Variants in WDR7 observed in about 807,000 individuals in gnomAD.
The protein encoded by WDR7 is WD repeat-containing protein 7.
A neutral mutation model predicts 169.4 loss-of-function variants in WDR7; 46 were observed. That is an observed-to-expected ratio of 0.27 (90% CI 0.21 to 0.35). The LOEUF (loss-of-function observed/expected upper bound fraction) is 0.35, where lower values mean the gene tolerates loss of function less well. Among genes scored for constraint, WDR7 ranks in the 10% least tolerant of loss-of-function variants. The pLI is 1.00. For missense variants in WDR7, 1,534 were observed against 1,859.3 expected, an observed-to-expected ratio of 0.83 and a Z score of 3.22; for synonymous variants, 612 against 666.8, an observed-to-expected ratio of 0.92 and a Z score of 1.27.
chr18:56,909,493 G>C (rs2088707065), intron 21 of WDR7, among the ~76,000 whole-genome samples: 2 of 152,070 alleles, frequency 1.3e-5, no homozygotes, highest in African/African-American at 4.8e-5. Flanking sequence ...AATAATTATA[G>C]CAAGTTAAAC....
rs180744905 is a variant in WDR7 at position 56,843,613 on chromosome 18, C to T, written c.3304+27469C>T. ...CACTTGGGTTTCTTCTATCTTTTGG[C>T]GACTGTGAATAATGCTGCTATGAAT... is the stretch of plus-strand genomic sequence containing the variant. On this transcript the variant is annotated intron_variant, in intron 20 of 27. Transcript: ENST00000254442. Among the ~76,000 whole-genome samples, 14 of 152,176 alleles carry T rather than the reference C, an allele frequency of 9.2e-5. No homozygotes were observed. In the South Asian group the frequency reaches 1.0e-3, roughly 11 times the overall value.
Position 56,893,865 on chromosome 18 carries a change from C to T in WDR7, c.3526+13700C>T, listed in dbSNP as rs140753692. ...GGTGTTTGACATCACATTGTATCTGCAAAAATAGGGGTAGATTCCTAAAAA... is the reference window on the plus strand; with the variant it reads ...GGTGTTTGACATCACATTGTATCTGTAAAAATAGGGGTAGATTCCTAAAAA... On this transcript the variant is annotated intron_variant, in intron 21 of 27. Coordinates refer to ENST00000254442, the MANE Select transcript of WDR7 (RefSeq NM_015285.3). Among the ~76,000 whole-genome samples, 361 of 152,018 alleles carry T rather than the reference C, an allele frequency of 2.4e-3. 2 individuals are homozygous for T. Among genetic ancestry groups the T allele is most frequent in the African/African-American group, 8.2e-3 (339 of 41,492 alleles).
At chr18:56,938,118 G>C (rs1433920610) in intron 23 of WDR7, among the ~76,000 whole-genome samples, 1 of 152,154 alleles carries the variant, frequency 6.6e-6, no homozygotes, top group Non-Finnish European at 1.5e-5. Context: ...AAGAAAATCT[G>C]AGTATAAGTC....
intron 27 of WDR7, among the ~76,000 whole-genome samples, chr18:57,021,068 C>T (rs1369231017): frequency 6.6e-6 from 1 of 152,214 alleles, no homozygotes; most frequent in African/African-American, 2.4e-5. Flanking sequence ...CATCTGCTCT[C>T]ATGGAGCTTG....
chr18:56,725,660 T>G (rs1468555063), intron 13 of WDR7, among the ~76,000 whole-genome samples: 2 of 152,222 alleles, frequency 1.3e-5, no homozygotes, highest in Non-Finnish European at 2.9e-5. Context: ...TTAGTTTAAT[T>G]AGATCGCATT....
Position 56,924,067 on chromosome 18 carries a change from GC to G in WDR7, c.3673del (p.Leu1225PhefsTer21). ...YMDVSAVLMG[L>X]LELCADAEKQ... ...TGGATGTGTCCGCTGTTCTGATGGG[GC>G]TTCTCGAACTTTGTGCCGATGCCGA... On this transcript the variant is annotated frameshift_variant, in exon 22 of 28. Transcript: ENST00000254442. LOFTEE classifies it high-confidence loss of function. 1 of 1,613,030 alleles carries G rather than the reference GC, an allele frequency of 6.2e-7. No homozygotes were observed. The highest frequency in any genetic ancestry group is 8.5e-7 in the Non-Finnish European group (1 of 1,179,716).
intron 14 of WDR7, among the ~76,000 whole-genome samples, chr18:56,744,416 G>A (rs2088315110): frequency 6.6e-6 from 1 of 152,124 alleles, no homozygotes; most frequent in African/African-American, 2.4e-5. Flanking sequence ...GTGATCCTGA[G>A]TAGGGGACCT....
chr18:56,959,512 CTGT>C (rs939298183), intron 25 of WDR7, among the ~76,000 whole-genome samples: 3 of 152,140 alleles, frequency 2.0e-5, no homozygotes, highest in African/African-American at 7.2e-5. Flanking sequence ...CAGAGGAGAA[CTGT>C]TGTTCAAACA....
intron 20 of WDR7, among the ~76,000 whole-genome samples, chr18:56,860,812 T>G (rs1036430195): frequency 3.3e-5 from 5 of 152,130 alleles, no homozygotes; most frequent in Non-Finnish European, 7.4e-5. Context: ...CTGATTTAGC[T>G]CAATTTTATA....
intron 19 of WDR7, among the ~76,000 whole-genome samples, chr18:56,786,816 C>A (rs1453779948): frequency 6.6e-6 from 1 of 151,706 alleles, no homozygotes; most frequent in Admixed American, 6.6e-5. Flanking sequence ...TCTGAGCCCT[C>A]AGTCTTTAGC....
chr18:56,854,684 G>T (rs545459494), intron 20 of WDR7, among the ~76,000 whole-genome samples: 5 of 152,234 alleles, frequency 3.3e-5, no homozygotes, highest in African/African-American at 1.2e-4. Flanking sequence ...TTCCTCCCAG[G>T]TATAGGGTAG....
intron 21 of WDR7, among the ~76,000 whole-genome samples, chr18:56,912,477 A>C (rs1454928932): frequency 1.3e-5 from 2 of 152,180 alleles, no homozygotes; most frequent in Admixed American, 1.3e-4. Context: ...TGTACATTCT[A>C]TACTAAATAC....
At chr18:56,868,670 G>C (rs1474038814) in intron 20 of WDR7, among the ~76,000 whole-genome samples, 1 of 152,062 alleles carries the variant, frequency 6.6e-6, no homozygotes, top group Non-Finnish European at 1.5e-5. Flanking sequence ...AGAATGATAT[G>C]CTGTGTTTTC....
chr18:56,986,002 A>G (rs1011079460), intron 26 of WDR7, among the ~76,000 whole-genome samples: 2 of 152,168 alleles, frequency 1.3e-5, no homozygotes, highest in African/African-American at 4.8e-5. Context: ...AAATTAGGTT[A>G]ATATAATTGG....
intron 20 of WDR7, among the ~76,000 whole-genome samples, chr18:56,833,469 A>G (rs1000947789): frequency 6.6e-6 from 1 of 152,180 alleles, no homozygotes; most frequent in Non-Finnish European, 1.5e-5. Context: ...TTAAAGTATA[A>G]TAAAAAAAAT....
intron 15 of WDR7, 148 bp downstream of exon 15, chr18:56,757,500 C>A: frequency 2.6e-6 from 2 of 771,450 alleles, no homozygotes; most frequent in Non-Finnish European, 3.8e-6. Flanking sequence ...TTTTAAAACA[C>A]CAGTTTCAAA....
At chr18:56,877,517 C>T (rs1414491579) in intron 20 of WDR7, among the ~76,000 whole-genome samples, 1 of 151,996 alleles carries the variant, frequency 6.6e-6, no homozygotes, top group Non-Finnish European at 1.5e-5. Context: ...TTCTGAGGCT[C>T]GTATTATGTT....
At chr18:56,823,423 A>C (rs1021157243) in intron 20 of WDR7, among the ~76,000 whole-genome samples, 1 of 152,160 alleles carries the variant, frequency 6.6e-6, no homozygotes, top group African/African-American at 2.4e-5. Flanking sequence ...CTACTAAAAA[A>C]TACAAAAATT....
chr18:56,734,467 G>A (rs535472014), intron 14 of WDR7, among the ~76,000 whole-genome samples: 8 of 147,868 alleles, frequency 5.4e-5, no homozygotes, highest in Non-Finnish European at 8.9e-5. Context: ...GTCTTTAGAC[G>A]TTGTCAAATT....
Sources: allele counts gnomAD v4.1 joint callset (sites outside exome capture counted in the v4.1 genomes callset), GRCh38; gene constraint gnomAD v4.1.1; transcripts MANE v1.5; gene names NCBI Gene and HGNC (gene_info 2026-07-23, HGNC 2026-07-21).